CNTN3: variants seen among roughly 807,000 people sequenced by gnomAD.
CNTN3 encodes contactin-3.
Under a neutral mutation model 119.1 loss-of-function variants are expected in CNTN3, and 60 were observed. The ratio of observed to expected loss-of-function variants is 0.50; its 90% CI spans 0.41 to 0.62. The LOEUF is 0.62. CNTN3 is among the 20% of genes least tolerant of loss of function. CNTN3 has a pLI of 0.00. For missense variants in CNTN3, 1,101 were observed against 1,242.4 expected (o/e 0.89, Z 1.71); for synonymous variants, 450 against 438.7 (o/e 1.03, Z -0.32).
chr3:74,406,791 G>A (rs909209742), intron 5 of CNTN3, among the ~76,000 whole-genome samples: 5 of 151,916 alleles, frequency 3.3e-5, no homozygotes, highest in Non-Finnish European at 1.5e-5. Context: ...AAGGGAAATG[G>A]CTAAAATATA....
chr3:74,467,318 C>T (rs1702479302), intron 4 of CNTN3, among the ~76,000 whole-genome samples: 7 of 152,032 alleles, frequency 4.6e-5, no homozygotes, highest in Admixed American at 4.6e-4. Context: ...CTTATCAAAG[C>T]TATTTGATTT....
At chr3:74,470,876 GT>G (rs1180225470) in intron 4 of CNTN3, among the ~76,000 whole-genome samples, 1 of 29,482 alleles carries the variant, frequency 3.4e-5, no homozygotes, top group Admixed American at 2.9e-4. Context: ...GTTTTTTGTT[GT>G]TGTTGTTGTT....
chr3:74,566,835 A>G (rs781339565), intron 1 of CNTN3, among the ~76,000 whole-genome samples: 7 of 152,210 alleles, frequency 4.6e-5, no homozygotes, highest in Non-Finnish European at 1.0e-4. Flanking sequence ...AGCTCAAGAA[A>G]AGCTGTGGCA....
intron 11 of CNTN3, 42 bp from the exon 12 acceptor site, chr3:74,336,700 A>AT (rs543710891): frequency 6.0e-5 from 89 of 1,478,466 alleles, no homozygotes; most frequent in Middle Eastern, 3.6e-4. Flanking sequence ...TATAATAGCC[A>AT]TTTTTTTTCC....
At chr3:74,329,766 T>C (rs189273458) in intron 13 of CNTN3, among the ~76,000 whole-genome samples, 64 of 152,300 alleles carry the variant, frequency 4.2e-4, no homozygotes, top group Admixed American at 4.2e-3. Context: ...CAGGGGTAAA[T>C]AATGGAGTAA....
At chr3:74,464,333 T>C (rs1410926465) in intron 4 of CNTN3, among the ~76,000 whole-genome samples, 2 of 152,196 alleles carry the variant, frequency 1.3e-5, no homozygotes, top group Non-Finnish European at 2.9e-5. Flanking sequence ...GAATGTATCA[T>C]CTGTTACTCC....
intron 18 of CNTN3, among the ~76,000 whole-genome samples, chr3:74,297,502 C>A (rs1198316289): frequency 6.6e-6 from 1 of 152,016 alleles, no homozygotes; most frequent in Non-Finnish European, 1.5e-5. Context: ...GTATGGTAAT[C>A]CGCATGTTGC....
At chr3:74,459,831 T>C (rs1005765491) in intron 4 of CNTN3, among the ~76,000 whole-genome samples, 2 of 152,068 alleles carry the variant, frequency 1.3e-5, no homozygotes, top group African/African-American at 4.8e-5. Flanking sequence ...TATTATACTT[T>C]TCTGGAGCAC....
chr3:74,589,260 GA>G (rs1469013629), intron 1 of CNTN3, among the ~76,000 whole-genome samples: 3 of 151,834 alleles, frequency 2.0e-5, no homozygotes, highest in African/African-American at 7.3e-5. Flanking sequence ...CAATTTACAA[GA>G]AAAAAACAAA....
intron 2 of CNTN3, among the ~76,000 whole-genome samples, chr3:74,505,452 G>A (rs1703239351): frequency 1.9e-4 from 1 of 5,334 alleles, no homozygotes; most frequent in Admixed American, 1.5e-3. Flanking sequence ...CTATACGTGT[G>A]TGTGTGTGTG....
chr3:74,288,159 C>CT (rs3084509), intron 19 of CNTN3, among the ~76,000 whole-genome samples: 904 of 90,344 alleles, frequency 0.01, 18 homozygotes, highest in African/African-American at 0.019. Flanking sequence ...CTTTTCTTTT[C>CT]TTTTTTTTTT....
At position 74,366,459 on chromosome 3, in the gene CNTN3, A is replaced by G. The variant is rs542352752; in HGVS notation, c.947-757T>C. ...CCACTTACAATGAAAGTCACTTACT[A>G]TATACAGTATATCCAGCCAAGTCTC... On this transcript the variant is annotated intron_variant, in intron 8 of 22. Coordinates refer to ENST00000263665, the MANE Select transcript of CNTN3 (RefSeq NM_020872.3). Among the ~76,000 whole-genome samples, 28 of 152,130 alleles carry G rather than the reference A, an allele frequency of 1.8e-4. 1 individual carries two copies. The highest frequency in any genetic ancestry group is 6.5e-4 in the African/African-American group (27 of 41,526).
At chr3:74,320,566 C>G (rs1435470287) in intron 13 of CNTN3, among the ~76,000 whole-genome samples, 1 of 151,980 alleles carries the variant, frequency 6.6e-6, no homozygotes, top group Admixed American at 6.6e-5. Context: ...ATACCTAAGG[C>G]TAAATGACGA....
chr3:74,541,118 T>A (rs1296358839), intron 1 of CNTN3, among the ~76,000 whole-genome samples: 1 of 152,102 alleles, frequency 6.6e-6, no homozygotes. Flanking sequence ...GGAACTCTCA[T>A]ATCCTGACTG....
intron 19 of CNTN3, among the ~76,000 whole-genome samples, chr3:74,288,154 C>T (rs200920700): frequency 0.15 from 13,579 of 88,226 alleles, 843 homozygotes; most frequent in South Asian, 0.27. Flanking sequence ...CTTTTCTTTT[C>T]TTTTCTTTTT....
intron 5 of CNTN3, among the ~76,000 whole-genome samples, chr3:74,392,286 A>G (rs1349422638): frequency 6.6e-6 from 1 of 152,182 alleles, no homozygotes; most frequent in East Asian, 1.9e-4. Flanking sequence ...AGCTGACAAG[A>G]CAATGGCTAT....
chr3:74,355,376 G>A (rs755855590), intron 11 of CNTN3, among the ~76,000 whole-genome samples: 17 of 152,086 alleles, frequency 1.1e-4, no homozygotes, highest in Admixed American at 7.9e-4. Context: ...TGCTCAGACA[G>A]GTGGATTGCT....
intron 1 of CNTN3, among the ~76,000 whole-genome samples, chr3:74,593,184 C>T (rs1468682858): frequency 6.6e-6 from 1 of 151,894 alleles, no homozygotes; most frequent in Non-Finnish European, 1.5e-5. Flanking sequence ...GTCTATAGTG[C>T]ATTGTGGCTA....
chr3:74,350,031 T>C lies in CNTN3; in HGVS notation c.1364+11859A>G, dbSNP rs374409632. Among the ~76,000 whole-genome samples, 91 of 152,304 alleles carry C rather than the reference T, an allele frequency of 6.0e-4. 1 individual carries two copies. The highest frequency in any genetic ancestry group is 2.2e-3 in the African/African-American group (91 of 41,568). On this transcript the variant is annotated intron_variant, in intron 11 of 22. Coordinates refer to ENST00000263665, the MANE Select transcript of CNTN3 (RefSeq NM_020872.3). The stretch of plus-strand genomic sequence containing the variant: ...AGGTGGCCTTAACTTCTATGATCCA[T>C]AAAACCAAATTTGAAATATGGATCT...
Sources: allele counts gnomAD v4.1 joint callset (sites outside exome capture counted in the v4.1 genomes callset), GRCh38; gene constraint gnomAD v4.1.1; transcripts MANE v1.5; gene names NCBI Gene and HGNC (gene_info 2026-07-23, HGNC 2026-07-21).